Variants in UVRAG observed in about 807,000 individuals in gnomAD.
UVRAG encodes the protein UV radiation resistance associated.
In UVRAG, 19 loss-of-function variants were observed where a neutral mutation model predicts 78.0. The ratio of observed to expected loss-of-function variants is 0.24; its 90% CI spans 0.17 to 0.36. UVRAG has a LOEUF of 0.36. Ranked by LOEUF, UVRAG falls within the 10% of genes least tolerant of loss-of-function variation. UVRAG has a pLI of 1.00. For missense variants in UVRAG, 740 were observed against 853.8 expected (o/e 0.87, Z 1.66); for synonymous variants, 323 against 324.6 (o/e 1.00, Z 0.05).
chr11:75,864,976 C>A (rs1198915613), intron 3 of UVRAG, among the ~76,000 whole-genome samples: 1 of 152,018 alleles, frequency 6.6e-6, no homozygotes, highest in Non-Finnish European at 1.5e-5. Flanking sequence ...TCAAAGGAGA[C>A]ATGGAAAAAT....
rs767883942 is a variant in UVRAG, at chr11:75,852,033, T to C, written c.235+33T>C. The C allele has an allele frequency of 8.4e-6, 12 of 1,434,286 alleles. No individual in the cohort carries two copies. In the South Asian group the frequency reaches 1.4e-4, roughly 16 times the overall value. 88.8% of individuals were successfully genotyped at this position (1,434,286 alleles called of 1,614,324 possible). On this transcript the variant is annotated intron_variant, in intron 2 of 14. Transcript: ENST00000356136. The stretch of plus-strand genomic sequence containing the variant: ...GATCTGTGGCCTTACTACCCACAGA[T>C]TGTTATATTTTTATTTTTTTTGTAA...
chr11:75,875,133 T>C (rs576244897), intron 3 of UVRAG, among the ~76,000 whole-genome samples: 2 of 152,278 alleles, frequency 1.3e-5, no homozygotes, highest in Admixed American at 1.3e-4. Flanking sequence ...GGGGGAAAAA[T>C]TTGCTGAGCT....
At chr11:76,065,890 C>T in intron 13 of UVRAG, 102 bp downstream of exon 13, 6 of 999,822 alleles carry the variant, frequency 6.0e-6, no homozygotes, top group Non-Finnish European at 9.0e-6. Flanking sequence ...AGTTGACCCT[C>T]GCATTTAACC....
chr11:75,970,272 T>G (rs966922180), intron 7 of UVRAG, among the ~76,000 whole-genome samples: 3 of 152,198 alleles, frequency 2.0e-5, no homozygotes, highest in Non-Finnish European at 2.9e-5. Context: ...TGATGTAGTA[T>G]TTATATGGAA....
chr11:75,842,994 C>T (rs1396729935), intron 1 of UVRAG, among the ~76,000 whole-genome samples: 2 of 152,156 alleles, frequency 1.3e-5, no homozygotes, highest in Admixed American at 1.3e-4. Flanking sequence ...AGTGATCCAG[C>T]AAGGGAGGGT....
At chr11:75,964,387 A>C (rs1948969693) in intron 7 of UVRAG, among the ~76,000 whole-genome samples, 8 of 152,060 alleles carry the variant, frequency 5.3e-5, no homozygotes, top group Admixed American at 5.2e-4. Flanking sequence ...TTTTTGTGGG[A>C]AGGTTTTTGA....
chr11:76,019,450 C>A (rs1242036221), intron 12 of UVRAG, among the ~76,000 whole-genome samples: 6 of 152,228 alleles, frequency 3.9e-5, no homozygotes, highest in Non-Finnish European at 7.3e-5. Flanking sequence ...TTACTATAGT[C>A]TCCACAGTGT....
chr11:75,871,725 T>C (rs1009095236), intron 3 of UVRAG, among the ~76,000 whole-genome samples: 1 of 152,364 alleles, frequency 6.6e-6, no homozygotes, highest in Non-Finnish European at 1.5e-5. Flanking sequence ...TGGAATTAAG[T>C]GCTGGGTTGT....
At chr11:75,994,238 T>G (rs1166159632) in intron 8 of UVRAG, among the ~76,000 whole-genome samples, 4 of 152,236 alleles carry the variant, frequency 2.6e-5, no homozygotes, top group Non-Finnish European at 4.4e-5. Context: ...TTTAATACAA[T>G]TACTTTCTTG....
chr11:75,962,555 T>C (rs1948929474), intron 7 of UVRAG, among the ~76,000 whole-genome samples: 1 of 152,180 alleles, frequency 6.6e-6, no homozygotes, highest in Non-Finnish European at 1.5e-5. Context: ...ATAGGATAAC[T>C]GCAATAGGTA....
chr11:76,008,051 G>A (rs1347433569), intron 10 of UVRAG, among the ~76,000 whole-genome samples: 2 of 152,022 alleles, frequency 1.3e-5, no homozygotes, highest in Non-Finnish European at 2.9e-5. Flanking sequence ...GGGACTGCAG[G>A]CGCCCGCCAC....
intron 6 of UVRAG, among the ~76,000 whole-genome samples, chr11:75,920,056 C>T (rs1367231454): frequency 3.0e-5 from 3 of 98,938 alleles, no homozygotes; most frequent in African/African-American, 8.2e-5. Context: ...GACGAAGTCT[C>T]GCTCTGTTGC....
At chr11:75,997,478 T>C (rs1408063430) in intron 8 of UVRAG, among the ~76,000 whole-genome samples, 2 of 152,224 alleles carry the variant, frequency 1.3e-5, no homozygotes, top group African/African-American at 4.8e-5. Context: ...AGTAGAACAT[T>C]GATATATGCC....
intron 6 of UVRAG, among the ~76,000 whole-genome samples, chr11:75,944,063 C>G (rs1017772080): frequency 6.6e-6 from 1 of 152,148 alleles, no homozygotes; most frequent in African/African-American, 2.4e-5. Flanking sequence ...GCCTGCCTCT[C>G]ATGATATTGC....
intron 13 of UVRAG, among the ~76,000 whole-genome samples, chr11:76,081,331 G>A (rs1249871825): frequency 6.6e-6 from 1 of 151,766 alleles, no homozygotes; most frequent in African/African-American, 2.4e-5. Context: ...TCAGCCTCCC[G>A]AGTAGCTGAG....
At chr11:75,864,876 C>T (rs1229044516) in intron 3 of UVRAG, among the ~76,000 whole-genome samples, 2 of 152,174 alleles carry the variant, frequency 1.3e-5, no homozygotes, top group East Asian at 1.9e-4. Context: ...CTTTTTCACT[C>T]ATGTAACTTT....
At chr11:76,076,691 A>G (rs892272802) in intron 13 of UVRAG, among the ~76,000 whole-genome samples, 4 of 152,086 alleles carry the variant, frequency 2.6e-5, no homozygotes, top group Non-Finnish European at 5.9e-5. Context: ...AATTTTTTCT[A>G]ATGGCTAATG....
intron 14 of UVRAG, among the ~76,000 whole-genome samples, chr11:76,116,742 G>T (rs537949952): frequency 2.6e-4 from 39 of 152,356 alleles, no homozygotes; most frequent in South Asian, 6.2e-4. Flanking sequence ...GGCCTGTAGA[G>T]TTAGACAGCT....
intron 7 of UVRAG, among the ~76,000 whole-genome samples, chr11:75,973,097 G>T (rs1039039320): frequency 9.2e-5 from 14 of 152,260 alleles, no homozygotes; most frequent in African/African-American, 3.1e-4. Context: ...AGCGAAAGGG[G>T]ATATCCTTGT....
Sources: allele counts gnomAD v4.1 joint callset (sites outside exome capture counted in the v4.1 genomes callset), GRCh38; gene constraint gnomAD v4.1.1; transcripts MANE v1.5; gene names NCBI Gene and HGNC (gene_info 2026-07-23, HGNC 2026-07-21).